The following ZNF658 variants were observed in gnomAD, a reference collection of about 807,000 sequenced individuals.
The protein encoded by ZNF658 is zinc finger protein 658.
In ZNF658, 46 loss-of-function variants were observed where a neutral mutation model predicts 78.0. The ratio of observed to expected loss-of-function variants is 0.59; its 90% CI spans 0.47 to 0.75. The LOEUF (loss-of-function observed/expected upper bound fraction) is 0.75. Ranked by LOEUF, ZNF658 falls within the 30% of genes least tolerant of loss-of-function variation. The pLI is 0.00. For synonymous variants in ZNF658, 279 were observed against 408.4 expected (o/e 0.68, Z 3.82); for missense variants, 785 against 1,189.3 (o/e 0.66, Z 5.00).
At chr9:66,926,314 C>G (rs1024115467), downstream of ZNF658, among the ~76,000 whole-genome samples, 1 of 145,152 alleles carries the variant, frequency 6.9e-6, no homozygotes, top group Non-Finnish European at 1.5e-5. Context: ...TAAACATGAT[C>G]TAATATACAG....
Position 66,918,158 on chromosome 9 carries a change from T to G in ZNF658, c.592T>G (p.Phe198Val), listed in dbSNP as rs537916922. The G allele has an allele frequency of 6.1e-5, 97 of 1,602,364 alleles. 1 individual carries two copies. The South Asian group carries it at 7.0e-4, about 12-fold the overall frequency. Residue 198 changes from phenylalanine (F) to valine (V), a missense_variant, in exon 5 of 5, where the codon TTC (phenylalanine) becomes GTC (valine). Around this residue, in one of 12 missense-constraint regions of ZNF658, gnomAD observed 393 missense variants for 400.2 expected, o/e 0.98. Coordinates refer to ENST00000621410, the MANE Select transcript of ZNF658 (RefSeq NM_033160.7). ...SYEHGENAKA[F>V]SYKKDQHWKF... Reference sequence around the variant, plus strand: ...TGAACATGGTGAAAATGCTAAAGCTTTCAGTTATAAGAAAGATCAGCATTG... The same window carrying G: ...TGAACATGGTGAAAATGCTAAAGCTGTCAGTTATAAGAAAGATCAGCATTG...
At chr9:66,901,035 G>C (rs1242939084) in intron 1 of ZNF658, 199 bp downstream of exon 1, 2 of 152,290 alleles carry the variant, frequency 1.3e-5, no homozygotes, top group African/African-American at 4.8e-5. Flanking sequence ...TGCGGGCCGG[G>C]AAGAGGAAAT....
At chr9:66,903,347 A>T (rs1041250944) in intron 1 of ZNF658, 171 bp from the exon 2 acceptor site, 13 of 504,580 alleles carry the variant, frequency 2.6e-5, no homozygotes, top group Non-Finnish European at 4.3e-5. Context: ...GAGTGCGATG[A>T]TTTTTTTTTT....
chr9:66,921,306 C>T lies in ZNF658; in HGVS notation c.*560C>T, dbSNP rs902239632. ...ACGTCACATGAAGAAGAAAACTTGT[C>T]GACATCCAGGATGATCAGGAGCCTT... On this transcript the variant is annotated 3_prime_UTR_variant, in exon 5 of 5. Transcript: ENST00000621410. 11 of 154,176 alleles carry T rather than the reference C, an allele frequency of 7.1e-5. No individual in the cohort carries two copies. The East Asian group carries it at 7.7e-4, about 11-fold the overall frequency. 9.6% of individuals were successfully genotyped at this position (154,176 alleles called of 1,614,324 possible). A position where few individuals can be genotyped will look rare whatever the true frequency, so the allele number is the denominator to read the frequency against.
intron 2 of ZNF658, among the ~76,000 whole-genome samples, chr9:66,906,950 C>T (rs1822095069): frequency 1.3e-5 from 2 of 152,052 alleles, no homozygotes. Context: ...CTTGGATCTT[C>T]AGTATCTTCA....
At chr9:66,930,659 A>G (rs1160025223) in intron 6 of ZNF658, among the ~76,000 whole-genome samples, 1 of 152,104 alleles carries the variant, frequency 6.6e-6, no homozygotes, top group Non-Finnish European at 1.5e-5. Context: ...AAAATACAAC[A>G]GAGCAAGACT....
chr9:66,909,297 G>A (rs1368350062), intron 4 of ZNF658, among the ~76,000 whole-genome samples: 2 of 151,514 alleles, frequency 1.3e-5, no homozygotes, highest in East Asian at 3.9e-4. Context: ...GTCTACTTCT[G>A]TGTCTATAAA....
At chr9:66,931,306 G>GTA (rs1587375057) in intron 6 of ZNF658, among the ~76,000 whole-genome samples, 2 of 150,360 alleles carry the variant, frequency 1.3e-5, no homozygotes, top group East Asian at 2.0e-4. Flanking sequence ...GTGTGTGTGT[G>GTA]TGTCTGTGTG....
At chr9:66,906,150 A>C (rs974811986) in intron 2 of ZNF658, among the ~76,000 whole-genome samples, 2 of 124,810 alleles carry the variant, frequency 1.6e-5, no homozygotes, top group Non-Finnish European at 3.3e-5. Context: ...TAAGGCTCTC[A>C]GTCTTTGCCA....
At chr9:66,923,029 T>C (rs1435686252), downstream of ZNF658, among the ~76,000 whole-genome samples, 2 of 151,660 alleles carry the variant, frequency 1.3e-5, no homozygotes, top group Non-Finnish European at 2.9e-5. Context: ...TTAAGGAGTA[T>C]ACACTGTCAC....
Position 66,915,688 on chromosome 9 carries a change from G to C in ZNF658, c.239-2117G>C, listed in dbSNP as rs1278999781. 2.6e-5 allele frequency among the ~76,000 whole-genome samples: 4 copies of C among 151,856 alleles called. No individual in the cohort carries two copies. In the East Asian group the frequency reaches 7.7e-4, roughly 29 times the overall value. On this transcript the variant is annotated intron_variant, in intron 4 of 4. Transcript: ENST00000621410. ...TTGTTTTATTATCTCTTGAATGTCT[G>C]TTAGTAGTTAGTCCTCTCTTGAATT... is the stretch of plus-strand genomic sequence containing the variant.
chr9:66,913,400 G>A (rs1236378319), intron 4 of ZNF658, among the ~76,000 whole-genome samples: 12 of 151,226 alleles, frequency 7.9e-5, no homozygotes, highest in Non-Finnish European at 8.8e-5. Flanking sequence ...ATTCCAGCCT[G>A]GGTGACGAGA....
Position 66,918,908 on chromosome 9 carries a change from G to A in ZNF658, c.1342G>A (p.Ala448Thr), listed in dbSNP as rs746356678. 7 of 1,565,736 alleles carry A rather than the reference G, an allele frequency of 4.5e-6. No homozygotes were observed. The highest frequency in any genetic ancestry group is 5.2e-6 in the Non-Finnish European group (6 of 1,153,790). Residue 448 changes from alanine to threonine, a missense_variant, in exon 5 of 5, where the codon GCT (alanine) becomes ACT (threonine). Ala to Thr is a moderately conservative substitution (Grantham distance 58). Transcript: ENST00000621410. ...TTATGAATGTAATGAATGTGGGAAA[G>A]CTTTCTGTCAGAATTCAAACCTCAG... ...KLYECNECGK[A>T]FCQNSNLSKH...
chr9:66,913,400 G>C (rs1236378319), intron 4 of ZNF658, among the ~76,000 whole-genome samples: 1 of 151,226 alleles, frequency 6.6e-6, no homozygotes, highest in Admixed American at 6.6e-5. Flanking sequence ...ATTCCAGCCT[G>C]GGTGACGAGA....
rs554077050 is a variant in ZNF658 at position 66,910,368 on chromosome 9, G to A, written c.238+1634G>A. Among the ~76,000 whole-genome samples, 29 of 151,930 alleles carry A rather than the reference G, an allele frequency of 1.9e-4. No homozygotes were observed. The East Asian group carries it at 5.0e-3, about 26-fold the overall frequency. On this transcript the variant is annotated intron_variant, in intron 4 of 4. Coordinates refer to ENST00000621410, the MANE Select transcript of ZNF658 (RefSeq NM_033160.7). ...AGCACAATTAAGGTTTTTGTTTGAA[G>A]CCATACCAACAAATAGCATCACATA... is the stretch of plus-strand genomic sequence containing the variant.
chr9:66,915,192 T>A, intron 4 of ZNF658, among the ~76,000 whole-genome samples: 1 of 152,098 alleles, frequency 6.6e-6, no homozygotes, highest in East Asian at 1.9e-4. Flanking sequence ...AGTTAACATA[T>A]CCTCCATCAT....
chr9:66,929,629 A>T, intron 6 of ZNF658, among the ~76,000 whole-genome samples: 1 of 150,530 alleles, frequency 6.6e-6, no homozygotes, highest in African/African-American at 2.4e-5. Context: ...CTAGGAAACT[A>T]TGCAGGTAAC....
rs762192695 is a variant in ZNF658 at position 66,918,466 on chromosome 9, T to G, written c.900T>G (p.Asn300Lys). The change falls in exon 5 of 5, where the codon AAT becomes AAG. Residue 300 changes from asparagine to lysine, a missense_variant. Physicochemically the swap from Asn to Lys is moderately conservative, Grantham distance 94. Around this residue, in one of 12 missense-constraint regions of ZNF658, gnomAD observed 393 missense variants for 400.2 expected, o/e 0.98. Transcript: ENST00000621410. ...TGGCTATGACACACTATGAGTGTAATGAAAGGGGGATTAATTTCAGTAGGA... is the reference window on the plus strand; with the variant it reads ...TGGCTATGACACACTATGAGTGTAAGGAAAGGGGGATTAATTTCAGTAGGA... ...VHMAMTHYEC[N>K]ERGINFSRKS... The G allele has an allele frequency of 5.6e-6, 9 of 1,608,882 alleles. No individual in the cohort carries two copies. In the East Asian group the frequency reaches 1.6e-4, roughly 28 times the overall value.
Position 66,917,955 on chromosome 9 carries a change from A to G in ZNF658, c.389A>G (p.Glu130Gly), listed in dbSNP as rs1445550676. ...EKPFNLEIAP[E>G]LSEKISCKCD... ...CCATTTAATCTGGAAATAGCTCCAGAGCTTTCAGAAAAAATATCCTGTAAA... is the reference window on the plus strand; with the variant it reads ...CCATTTAATCTGGAAATAGCTCCAGGGCTTTCAGAAAAAATATCCTGTAAA... Residue 130 changes from glutamate (E) to glycine (G), a missense_variant, in exon 5 of 5, where the codon GAG becomes GGG. Transcript: ENST00000621410. 1 of 1,610,132 alleles carries G rather than the reference A, an allele frequency of 6.2e-7. No individual in the cohort carries two copies. The highest frequency in any genetic ancestry group is 1.7e-5 in the Admixed American group (1 of 59,710).
Sources: allele counts gnomAD v4.1 joint callset (sites outside exome capture counted in the v4.1 genomes callset), GRCh38; gene constraint gnomAD v4.1.1; regional missense constraint gnomAD v4.1.1; transcripts MANE v1.5; gene names NCBI Gene and HGNC (gene_info 2026-07-23, HGNC 2026-07-21).